The following LNX1 variants were observed in gnomAD, a reference collection of about 807,000 sequenced individuals.
LNX1 encodes the protein ligand of numb-protein X 1.
Under a neutral mutation model 68.4 loss-of-function variants are expected in LNX1, and 54 were observed. That is an observed-to-expected ratio of 0.79 (90% CI 0.63 to 0.99). LNX1 has a LOEUF of 0.99. Ranked by LOEUF, LNX1 falls within the 50% of genes least tolerant of loss-of-function variation. The pLI is 0.00. For synonymous variants in LNX1, 336 were observed against 350.0 expected, an observed-to-expected ratio of 0.96 and a Z score of 0.45; for missense variants, 906 against 926.4, an observed-to-expected ratio of 0.98 and a Z score of 0.29.
upstream of LNX1, among the ~76,000 whole-genome samples, chr4:53,592,204 G>T (rs1732541571): frequency 6.6e-6 from 1 of 151,726 alleles, no homozygotes; most frequent in African/African-American, 2.4e-5. Context: ...CTGCAGGCCT[G>T]CAATTAGGAG....
chr4:53,581,711 A>G (rs948268089), intron 1 of LNX1, among the ~76,000 whole-genome samples: 6 of 152,158 alleles, frequency 3.9e-5, no homozygotes, highest in Non-Finnish European at 8.8e-5. Flanking sequence ...CCATGATTCA[A>G]TTACCTCCCC....
intron 6 of LNX1, among the ~76,000 whole-genome samples, chr4:53,493,344 G>A (rs896080035): frequency 6.6e-6 from 1 of 152,224 alleles, no homozygotes; most frequent in Non-Finnish European, 1.5e-5. Flanking sequence ...TAGGGCAGAT[G>A]AGCATCCATG....
intron 2 of LNX1, among the ~76,000 whole-genome samples, chr4:53,611,832 G>A (rs1246866353): frequency 6.6e-6 from 1 of 152,016 alleles, no homozygotes; most frequent in East Asian, 1.9e-4. Context: ...TATATAATGG[G>A]GGTAGGACAA....
At chr4:53,535,075 T>C (rs1233598754) in intron 2 of LNX1, among the ~76,000 whole-genome samples, 1 of 151,840 alleles carries the variant, frequency 6.6e-6, no homozygotes, top group East Asian at 1.9e-4. Flanking sequence ...TGAATCCTCC[T>C]TGCTATAAGG....
At chr4:53,588,000 ACCGTTTCCAT>A (rs1577764639) in intron 1 of LNX1, among the ~76,000 whole-genome samples, 1 of 152,292 alleles carries the variant, frequency 6.6e-6, no homozygotes, top group East Asian at 1.9e-4. Context: ...TCAACGTACT[ACCGTTTCCAT>A]CATTATTACA....
chr4:53,506,760 A>T (rs1725900602), intron 4 of LNX1, among the ~76,000 whole-genome samples: 1 of 150,090 alleles, frequency 6.7e-6, no homozygotes, highest in Non-Finnish European at 1.5e-5. Flanking sequence ...GGAGGCTGAG[A>T]CAGGAGAATT....
At chr4:53,579,347 A>G (rs1224469561) in intron 1 of LNX1, 2 of 830,212 alleles carry the variant, frequency 2.4e-6, no homozygotes, top group African/African-American at 3.7e-5. Flanking sequence ...GATCTGGAAT[A>G]GGACAGAAAC....
At chr4:53,642,769 CT>C (rs1488878661) in intron 1 of LNX1, among the ~76,000 whole-genome samples, 1 of 152,170 alleles carries the variant, frequency 6.6e-6, no homozygotes, top group African/African-American at 2.4e-5. Flanking sequence ...TTGGATGTCT[CT>C]GCTTACTTTG....
intron 1 of LNX1, among the ~76,000 whole-genome samples, chr4:53,634,603 T>C (rs1347912008): frequency 6.6e-6 from 1 of 151,946 alleles, no homozygotes; most frequent in African/African-American, 2.4e-5. Context: ...GGGAGTACCA[T>C]CTCTACTGGT....
intron 1 of LNX1, among the ~76,000 whole-genome samples, chr4:53,626,768 G>T (rs542164189): frequency 6.7e-6 from 1 of 150,314 alleles, no homozygotes; most frequent in Admixed American, 6.7e-5. Context: ...AAAGCTCCAG[G>T]GTTTCTTAAG....
chr4:53,543,670 T>C (rs1258747659), intron 2 of LNX1, among the ~76,000 whole-genome samples: 2 of 152,176 alleles, frequency 1.3e-5, no homozygotes, highest in African/African-American at 4.8e-5. Context: ...CCACTATTTT[T>C]ATTAATAGAA....
Position 53,466,883 on chromosome 4 carries a change from C to G in LNX1, c.1893-5290G>C, listed in dbSNP as rs1722730256. ...GTGGTGAAGCCCACCACAGCTCAAG[C>G]AGGCCTGCTTCTCTGTAGGCTCCAT... On this transcript the variant is annotated intron_variant, in intron 9 of 10. Coordinates refer to ENST00000263925, the MANE Select transcript of LNX1 (RefSeq NM_001126328.3). Among the ~76,000 whole-genome samples, 3 of 152,226 alleles carry G rather than the reference C, an allele frequency of 2.0e-5. No individual in the cohort carries two copies. The South Asian group carries it at 6.2e-4, about 31-fold the overall frequency.
chr4:53,632,215 TA>T (rs1274278183), intron 1 of LNX1, among the ~76,000 whole-genome samples: 2 of 152,126 alleles, frequency 1.3e-5, no homozygotes, highest in Non-Finnish European at 2.9e-5. Flanking sequence ...CATCAGCACT[TA>T]GAGTGGGGTT....
chr4:53,540,183 A>G (rs1222229895), intron 2 of LNX1, among the ~76,000 whole-genome samples: 1 of 152,106 alleles, frequency 6.6e-6, no homozygotes, highest in Non-Finnish European at 1.5e-5. Context: ...GGAGTTTGAG[A>G]CCAGTCTAGA....
intron 2 of LNX1, among the ~76,000 whole-genome samples, chr4:53,571,953 G>T (rs538410716): frequency 6.6e-6 from 1 of 152,110 alleles, no homozygotes; most frequent in South Asian, 2.1e-4. Context: ...GAGCCACTGC[G>T]CCCAGCAATT....
intron 2 of LNX1, among the ~76,000 whole-genome samples, chr4:53,515,728 A>T (rs1338064714): frequency 6.6e-6 from 1 of 152,180 alleles, no homozygotes; most frequent in African/African-American, 2.4e-5. Flanking sequence ...ATTTTTCAAT[A>T]AACACTCATG....
chr4:53,632,171 C>G (rs1734303615), intron 1 of LNX1, among the ~76,000 whole-genome samples: 1 of 152,166 alleles, frequency 6.6e-6, no homozygotes. Flanking sequence ...CTGCCTGAGG[C>G]TGGCCGCTGC....
intron 2 of LNX1, chr4:53,549,437 T>A (rs1195890131): frequency 4.4e-5 from 6 of 136,362 alleles, no homozygotes. Context: ...CGGCGGAGAA[T>A]GAAGAACGGA....
intron 1 of LNX1, among the ~76,000 whole-genome samples, chr4:53,580,272 T>A (rs145178533): frequency 6.6e-6 from 1 of 152,314 alleles, no homozygotes; most frequent in African/African-American, 2.4e-5. Context: ...ACTTTTTAAG[T>A]CCTTTAATTA....
Sources: gnomAD v4.1 joint callset for allele counts (sites outside exome capture counted in the v4.1 genomes callset) on GRCh38, gnomAD v4.1.1 for gene constraint, MANE v1.5 for transcripts, NCBI Gene and HGNC (gene_info 2026-07-23, HGNC 2026-07-21) for gene names.